MAML2: variants seen among roughly 807,000 people sequenced by gnomAD.
MAML2 encodes the protein mastermind like transcriptional coactivator 2.
MAML2 carries 22 observed loss-of-function variants against 96.1 expected under a neutral mutation model. The observed-to-expected ratio is 0.23, with a 90% CI of 0.16 to 0.33. The LOEUF (loss-of-function observed/expected upper bound fraction) is 0.33. Among genes scored for constraint, MAML2 ranks in the 10% least tolerant of loss-of-function variants. The probability of loss-of-function intolerance (pLI) is 1.00; values close to 1 mark genes in which losing one functional copy is unlikely to be tolerated. For synonymous variants in MAML2, 561 were observed against 521.3 expected (o/e 1.08, Z -1.04); for missense variants, 1,367 against 1,392.4 (o/e 0.98, Z 0.29).
chr11:96,198,736 C>T (rs1861767733), intron 1 of MAML2, among the ~76,000 whole-genome samples: 1 of 151,994 alleles, frequency 6.6e-6, no homozygotes, highest in South Asian at 2.1e-4. Flanking sequence ...GAACAATATC[C>T]CTTCTTCCCT....
chr11:96,254,604 A>C (rs11021497), intron 1 of MAML2, among the ~76,000 whole-genome samples: 16,871 of 151,834 alleles, frequency 0.11, 1,005 homozygotes, highest in South Asian at 0.2. Context: ...CAAAACAAAA[A>C]AAAAACTCTT....
intron 1 of MAML2, among the ~76,000 whole-genome samples, chr11:96,331,330 C>A (rs184813242): frequency 9.0e-4 from 137 of 152,144 alleles, no homozygotes; most frequent in African/African-American, 2.7e-3. Context: ...ACTCTTACTA[C>A]CAAAATATTA....
At chr11:96,048,170 C>T (rs1287838135) in intron 2 of MAML2, among the ~76,000 whole-genome samples, 2 of 152,078 alleles carry the variant, frequency 1.3e-5, no homozygotes, top group Admixed American at 6.6e-5. Flanking sequence ...GATCAGGTGT[C>T]ATAAAAAGGT....
At chr11:96,280,440 A>T (rs1863049010) in intron 1 of MAML2, among the ~76,000 whole-genome samples, 1 of 152,186 alleles carries the variant, frequency 6.6e-6, no homozygotes, top group Non-Finnish European at 1.5e-5. Context: ...CCTGATCTGT[A>T]CAATGTCAAA....
At chr11:96,210,176 T>A (rs1030194000) in intron 1 of MAML2, among the ~76,000 whole-genome samples, 50 of 152,256 alleles carry the variant, frequency 3.3e-4, no homozygotes, top group African/African-American at 1.2e-3. Flanking sequence ...GTGGCACAAT[T>A]TTGGCTCACT....
chr11:96,249,474 A>G (rs1385060688), intron 1 of MAML2, among the ~76,000 whole-genome samples: 1 of 152,050 alleles, frequency 6.6e-6, no homozygotes, highest in African/African-American at 2.4e-5. Flanking sequence ...ATGTCAAACT[A>G]AAATGTCCAA....
chr11:96,015,979 A>C (rs895872695), intron 2 of MAML2, among the ~76,000 whole-genome samples: 1 of 152,152 alleles, frequency 6.6e-6, no homozygotes, highest in African/African-American at 2.4e-5. Context: ...TGTATTAGAG[A>C]TAATACATGC....
intron 1 of MAML2, among the ~76,000 whole-genome samples, chr11:96,258,422 C>A (rs1286926590): frequency 2.6e-5 from 4 of 152,192 alleles, no homozygotes; most frequent in Non-Finnish European, 4.4e-5. Flanking sequence ...AAAGAGGCAG[C>A]TTGAAGAAGC....
intron 1 of MAML2, among the ~76,000 whole-genome samples, chr11:96,252,468 G>A (rs1025133878): frequency 1.5e-5 from 2 of 137,640 alleles, no homozygotes; most frequent in African/African-American, 2.7e-5. Context: ...GCTCTGTCAC[G>A]AGGCTGGAGT....
chr11:96,320,417 A>G (rs912619620), intron 1 of MAML2, among the ~76,000 whole-genome samples: 1 of 152,226 alleles, frequency 6.6e-6, no homozygotes, highest in Non-Finnish European at 1.5e-5. Context: ...GCCCTCTGGT[A>G]TACTCAAGCT....
chr11:96,190,514 T>C (rs1353971633), intron 1 of MAML2, among the ~76,000 whole-genome samples: 2 of 152,200 alleles, frequency 1.3e-5, no homozygotes, highest in Non-Finnish European at 2.9e-5. Context: ...GGCAGGGAGC[T>C]GATGTCTCCC....
intron 1 of MAML2, among the ~76,000 whole-genome samples, chr11:96,108,015 C>T (rs981433346): frequency 2.0e-5 from 3 of 152,222 alleles, no homozygotes; most frequent in South Asian, 2.1e-4. Context: ...GAATCAAACC[C>T]GAAGAAGAGG....
At chr11:96,246,756 T>C (rs1862517182) in intron 1 of MAML2, among the ~76,000 whole-genome samples, 1 of 152,224 alleles carries the variant, frequency 6.6e-6, no homozygotes, top group African/African-American at 2.4e-5. Context: ...CCCAGGATTG[T>C]AGTTACCCAT....
intron 1 of MAML2, among the ~76,000 whole-genome samples, chr11:96,273,889 C>A (rs1233169931): frequency 6.6e-6 from 1 of 152,060 alleles, no homozygotes; most frequent in Non-Finnish European, 1.5e-5. Flanking sequence ...TAAAACTTTT[C>A]ATTTACTAAA....
In MAML2 at chr11:95,979,920, T is replaced by G; in HGVS notation, c.2499A>C (p.Ala833=). The change falls in exon 5 of 5, where the codon GCA becomes GCC. Residue 833 remains alanine, a synonymous_variant. Transcript: ENST00000524717. ...TISLNSNQAL[A]NPVSTHTILT... is the part of the protein sequence containing the mutation. Reference sequence around the variant, plus strand: ...AAATGGTGTGTGTTGAAACTGGGTTTGCCAAAGCCTGGTTAGAGTTTAAGC... The same window carrying G: ...AAATGGTGTGTGTTGAAACTGGGTTGGCCAAAGCCTGGTTAGAGTTTAAGC... The G allele has an allele frequency of 1.2e-6, 2 of 1,613,880 alleles. No homozygotes were observed. The highest frequency in any genetic ancestry group is 1.1e-5 in the South Asian group (1 of 91,046).
chr11:96,326,324 T>C (rs991722809), intron 1 of MAML2, among the ~76,000 whole-genome samples: 1 of 151,892 alleles, frequency 6.6e-6, no homozygotes, highest in Admixed American at 6.6e-5. Context: ...CAAATGGTTG[T>C]AGCACTGGAA....
chr11:95,988,565 A>G (rs542531884), intron 3 of MAML2, among the ~76,000 whole-genome samples: 7 of 147,730 alleles, frequency 4.7e-5, no homozygotes, highest in South Asian at 2.1e-4. Flanking sequence ...ATATATATTT[A>G]CATTATTATA....
chr11:96,151,557 G>C (rs1474048366), intron 1 of MAML2, among the ~76,000 whole-genome samples: 1 of 152,136 alleles, frequency 6.6e-6, no homozygotes, highest in African/African-American at 2.4e-5. Context: ...TTGGATCGTG[G>C]GGATGCTCCT....
At chr11:96,119,391 G>T (rs1482852177) in intron 1 of MAML2, among the ~76,000 whole-genome samples, 5 of 152,148 alleles carry the variant, frequency 3.3e-5, no homozygotes, top group Non-Finnish European at 5.9e-5. Flanking sequence ...CATGAACCAA[G>T]GCACACAGGC....
Sources: gnomAD v4.1 joint callset for allele counts (sites outside exome capture counted in the v4.1 genomes callset) on GRCh38, gnomAD v4.1.1 for gene constraint, MANE v1.5 for transcripts, NCBI Gene and HGNC (gene_info 2026-07-23, HGNC 2026-07-21) for gene names.